The following RSU1 variants were observed in gnomAD, a reference collection of about 807,000 sequenced individuals.
RSU1 encodes rsu-1.
In RSU1, 26 loss-of-function variants were observed where a neutral mutation model predicts 31.1. The ratio of observed to expected loss-of-function variants is 0.84; its 90% CI spans 0.61 to 1.16. The LOEUF (loss-of-function observed/expected upper bound fraction) is 1.16. RSU1 is among the 50% of genes most tolerant of loss of function. RSU1 has a pLI of 0.00. For missense variants in RSU1, 320 were observed against 339.1 expected (o/e 0.94, Z 0.44); for synonymous variants, 164 against 136.3 (o/e 1.20, Z -1.41).
Position 16,618,880 on chromosome 10 carries a change from G to A in RSU1, c.732-25384C>T, listed in dbSNP as rs1358837586. Among the ~76,000 whole-genome samples, 3 of 152,084 alleles carry A rather than the reference G, an allele frequency of 2.0e-5. No homozygotes were observed. The East Asian group carries it at 5.8e-4, about 29-fold the overall frequency. On this transcript the variant is annotated intron_variant, in intron 8 of 8. Transcript: ENST00000345264. ...ATTAGTACAAATACCTAATGCATGT[G>A]GGGCTTAAAACCTAGATGATGGTTC...
chr10:16,783,875 C>T (rs1837713114), intron 2 of RSU1, among the ~76,000 whole-genome samples: 1 of 152,136 alleles, frequency 6.6e-6, no homozygotes, highest in Non-Finnish European at 1.5e-5. Flanking sequence ...TGAGGACCAT[C>T]TAATCCTAGC....
intron 8 of RSU1, among the ~76,000 whole-genome samples, chr10:16,642,925 T>C (rs1834470953): frequency 6.6e-6 from 1 of 152,216 alleles, no homozygotes; most frequent in South Asian, 2.1e-4. Context: ...AACAAAAAAC[T>C]ACCAATGCTT....
chr10:16,687,842 C>T (rs748259293), intron 8 of RSU1, among the ~76,000 whole-genome samples: 59 of 152,250 alleles, frequency 3.9e-4, no homozygotes, highest in Middle Eastern at 6.8e-3. Context: ...ACCTCAGCCA[C>T]CCAAGTAGCT....
At chr10:16,746,646 G>A (rs1488151866) in intron 7 of RSU1, among the ~76,000 whole-genome samples, 1 of 146,912 alleles carries the variant, frequency 6.8e-6, no homozygotes, top group Non-Finnish European at 1.5e-5. Flanking sequence ...CCCAGGTGAC[G>A]TCACCAGCTC....
intron 8 of RSU1, among the ~76,000 whole-genome samples, chr10:16,684,578 G>GT (rs1835403828): frequency 6.6e-6 from 1 of 152,060 alleles, no homozygotes; most frequent in African/African-American, 2.4e-5. Flanking sequence ...GCAGCACAGG[G>GT]GTAAAAGAGC....
intron 7 of RSU1, among the ~76,000 whole-genome samples, chr10:16,699,371 A>G (rs561823664): frequency 6.6e-6 from 1 of 152,340 alleles, no homozygotes; most frequent in Admixed American, 6.5e-5. Flanking sequence ...GAGGGTTAAT[A>G]TAATTAGAGT....
intron 8 of RSU1, among the ~76,000 whole-genome samples, chr10:16,622,405 TAA>T (rs1261972888): frequency 6.6e-6 from 1 of 152,222 alleles, no homozygotes; most frequent in Non-Finnish European, 1.5e-5. Flanking sequence ...GGAAGCGTTC[TAA>T]AGAGGGCAAC....
intron 7 of RSU1, among the ~76,000 whole-genome samples, chr10:16,722,637 G>T (rs986328481): frequency 1.3e-5 from 2 of 152,012 alleles, no homozygotes; most frequent in Non-Finnish European, 1.5e-5. Flanking sequence ...TAAAGTTAAG[G>T]ATATTATGGG....
intron 8 of RSU1, among the ~76,000 whole-genome samples, chr10:16,681,116 C>G (rs1835321659): frequency 6.6e-6 from 1 of 152,182 alleles, no homozygotes; most frequent in Non-Finnish European, 1.5e-5. Flanking sequence ...AACTATCACC[C>G]TGCTGACTAT....
chr10:16,683,881 G>A (rs1009066138), intron 8 of RSU1, among the ~76,000 whole-genome samples: 2 of 152,164 alleles, frequency 1.3e-5, no homozygotes, highest in Non-Finnish European at 2.9e-5. Context: ...TTCGAAGCTG[G>A]GTCTTCTAGG....
intron 2 of RSU1, among the ~76,000 whole-genome samples, chr10:16,793,164 T>A (rs1837961432): frequency 6.6e-6 from 1 of 152,206 alleles, no homozygotes; most frequent in Admixed American, 6.5e-5. Context: ...TTTTAAAATA[T>A]CACGGTGGGA....
chr10:16,689,126 A>T (rs923790223), intron 8 of RSU1, among the ~76,000 whole-genome samples: 1 of 152,220 alleles, frequency 6.6e-6, no homozygotes, highest in Non-Finnish European at 1.5e-5. Flanking sequence ...ATGAAAAAGA[A>T]GAGTCTACAT....
intron 7 of RSU1, among the ~76,000 whole-genome samples, chr10:16,699,446 C>T (rs1835742298): frequency 6.6e-6 from 1 of 152,204 alleles, no homozygotes; most frequent in South Asian, 2.1e-4. Context: ...CAACAAGTTA[C>T]CATTGCCTCG....
At chr10:16,793,826 T>A (rs1837975378) in intron 2 of RSU1, among the ~76,000 whole-genome samples, 1 of 151,340 alleles carries the variant, frequency 6.6e-6, no homozygotes, top group Non-Finnish European at 1.5e-5. Context: ...TGATGGTGAA[T>A]GTTATTTGTC....
intron 7 of RSU1, among the ~76,000 whole-genome samples, chr10:16,734,667 A>T (rs11816621): frequency 0.074 from 11,236 of 152,294 alleles, 834 homozygotes; most frequent in African/African-American, 0.2. Flanking sequence ...AAAAAGAATG[A>T]TGACATGAAT....
Position 16,593,327 on chromosome 10 carries a change from A to C in RSU1, c.*67T>G. 6.2e-7 allele frequency: 1 copy of C among 1,603,294 alleles called. No individual in the cohort carries two copies. The highest frequency in any genetic ancestry group is 8.5e-7 in the Non-Finnish European group (1 of 1,174,146). On this transcript the variant is annotated 3_prime_UTR_variant, in exon 9 of 9. Coordinates refer to ENST00000345264, the MANE Select transcript of RSU1 (RefSeq NM_012425.4). The stretch of plus-strand genomic sequence containing the variant: ...GCAGCATTGGGTTTATTTGAGAGAC[A>C]GGGCAAGAGAGAATGAAGTGTTGGA...
intron 8 of RSU1, among the ~76,000 whole-genome samples, chr10:16,687,620 C>T (rs895543309): frequency 6.6e-6 from 1 of 152,124 alleles, no homozygotes; most frequent in African/African-American, 2.4e-5. Context: ...CTGTATTCCT[C>T]CTGTCATATT....
At chr10:16,730,842 G>T (rs147121535) in intron 7 of RSU1, among the ~76,000 whole-genome samples, 51 of 152,028 alleles carry the variant, frequency 3.4e-4, no homozygotes, top group African/African-American at 1.1e-3. Context: ...TTTTTTCAGC[G>T]AGACTGAGTC....
intron 8 of RSU1, among the ~76,000 whole-genome samples, chr10:16,652,573 C>T (rs1026109063): frequency 6.6e-6 from 1 of 152,110 alleles, no homozygotes; most frequent in African/African-American, 2.4e-5. Context: ...CACACACACA[C>T]ACGGTCTGTA....
Sources: gnomAD v4.1 joint callset for allele counts (sites outside exome capture counted in the v4.1 genomes callset) on GRCh38, gnomAD v4.1.1 for gene constraint, MANE v1.5 for transcripts, NCBI Gene and HGNC (gene_info 2026-07-23, HGNC 2026-07-21) for gene names.